The following SUN1 variants were observed in gnomAD, a reference collection of about 807,000 sequenced individuals.
SUN1 encodes the protein Sad1 and UNC84 domain containing 1, also known as SUN domain-containing protein 1.
In SUN1, 61 loss-of-function variants were observed where a neutral mutation model predicts 103.2. The observed-to-expected ratio is 0.59, with a 90% CI of 0.48 to 0.73. The LOEUF (loss-of-function observed/expected upper bound fraction) is 0.73. SUN1 is among the 30% of genes least tolerant of loss of function. The pLI is 0.00. For missense variants in SUN1, 1,052 were observed against 1,034.6 expected, an observed-to-expected ratio of 1.02 and a Z score of -0.23; for synonymous variants, 490 against 425.7, an observed-to-expected ratio of 1.15 and a Z score of -1.86.
intron 1 of SUN1, among the ~76,000 whole-genome samples, chr7:838,345 G>A (rs1441280888): frequency 1.3e-5 from 2 of 152,232 alleles, no homozygotes; most frequent in Non-Finnish European, 2.9e-5. Flanking sequence ...AAATTTAGAA[G>A]GGGAGCATTG....
chr7:827,443 A>G (rs1323632378), intron 1 of SUN1, among the ~76,000 whole-genome samples: 1 of 150,682 alleles, frequency 6.6e-6, no homozygotes, highest in Non-Finnish European at 1.5e-5. Flanking sequence ...TGATATGGAG[A>G]GTAGGACTAA....
intron 13 of SUN1, among the ~76,000 whole-genome samples, chr7:859,683 T>C (rs1285438484): frequency 6.6e-6 from 1 of 152,272 alleles, no homozygotes; most frequent in Non-Finnish European, 1.5e-5. Context: ...TATGTGTTTG[T>C]GTGCTTAGAA....
intron 1 of SUN1, 118 bp downstream of exon 1, chr7:832,719 GA>G (rs975793070): frequency 1.6e-4 from 124 of 779,282 alleles, no homozygotes; most frequent in Admixed American, 5.0e-4. Context: ...TTTTGAAGGT[GA>G]AAAAAAATAA....
At chr7:863,356 G>A (rs1048409920) in intron 15 of SUN1, among the ~76,000 whole-genome samples, 4 of 152,170 alleles carry the variant, frequency 2.6e-5, no homozygotes, top group Non-Finnish European at 5.9e-5. Flanking sequence ...TCCCGAGCTC[G>A]CCCTTGCTGC....
upstream of SUN1, chr7:830,876 C>A (rs76537194): frequency 8.5e-3 from 7,609 of 893,362 alleles, 140 homozygotes; most frequent in East Asian, 0.14. Flanking sequence ...GCAGTGCAGG[C>A]AGAGCCCATT....
At position 817,192 on chromosome 7, in the gene SUN1, G is replaced by T. The variant is rs1336584309; in HGVS notation, c.-74+519G>T. Reference sequence around the variant, plus strand: ...CCAGGCTGGTCTCGACCTCCTGAGCGCGAGCTATCCTCCCGCCTCCGCCTC... The same window carrying T: ...CCAGGCTGGTCTCGACCTCCTGAGCTCGAGCTATCCTCCCGCCTCCGCCTC... On this transcript the variant is annotated intron_variant, in intron 1 of 17. Coordinates refer to the SUN1 transcript ENST00000389574. The T allele has an allele frequency of 1.6e-5, 9 of 548,006 alleles. No individual in the cohort carries two copies. In the East Asian group the frequency reaches 2.9e-4, roughly 18 times the overall value. 33.9% of individuals were successfully genotyped at this position (548,006 alleles called of 1,614,324 possible).
intron 1 of SUN1, among the ~76,000 whole-genome samples, chr7:822,899 C>T (rs1787659858): frequency 3.3e-5 from 5 of 151,850 alleles, no homozygotes; most frequent in Admixed American, 6.6e-5. Flanking sequence ...CGCACACACA[C>T]GGCCCTGTGG....
chr7:868,904 G>T, intron 16 of SUN1: 1 of 121,872 alleles, frequency 8.2e-6, no homozygotes, highest in Non-Finnish European at 1.5e-5. Flanking sequence ...TGTGGTGTTG[G>T]TCGGATGGGG....
chr7:856,287 A>T, intron 11 of SUN1, 71 bp from the exon 12 acceptor site: 1 of 1,480,930 alleles, frequency 6.8e-7, no homozygotes, highest in Non-Finnish European at 9.4e-7. Flanking sequence ...ATGGAGTTTT[A>T]AGTATGTGGT....
upstream of SUN1, chr7:815,772 G>C (rs1215297001): frequency 1.1e-4 from 23 of 203,518 alleles, no homozygotes; most frequent in Non-Finnish European, 1.0e-5. Flanking sequence ...CTCGCGTGCA[G>C]ACCCCACACA....
chr7:860,928 A>G (rs1831727603), intron 14 of SUN1, among the ~76,000 whole-genome samples: 1 of 152,092 alleles, frequency 6.6e-6, no homozygotes, highest in Non-Finnish European at 1.5e-5. Flanking sequence ...AACCCCCACC[A>G]TGACTCAGTT....
At chr7:856,240 TG>T in intron 11 of SUN1, 117 bp from the exon 12 acceptor site, 2 of 1,045,194 alleles carry the variant, frequency 1.9e-6, no homozygotes, top group Non-Finnish European at 2.9e-6. Context: ...CAGGCAGATC[TG>T]GACTTTGAAT....
intron 1 of SUN1, chr7:832,824 G>C (rs772851826): frequency 5.8e-6 from 3 of 518,372 alleles, no homozygotes; most frequent in East Asian, 6.2e-5. Context: ...GTTAGTCATC[G>C]CACATGGCTT....
At chr7:838,023 G>A (rs527561320) in intron 1 of SUN1, among the ~76,000 whole-genome samples, 1 of 152,230 alleles carries the variant, frequency 6.6e-6, no homozygotes, top group African/African-American at 2.4e-5. Flanking sequence ...TAAATTGTGT[G>A]TAGTGACTCA....
chr7:850,672 C>G (rs1820988828), intron 5 of SUN1: 1 of 146,026 alleles, frequency 6.8e-6, no homozygotes, highest in African/African-American at 2.5e-5. Context: ...AGAACTGGAA[C>G]AAAACTTACT....
At position 874,813 on chromosome 7, in the gene SUN1, ATCTG is replaced by A; in HGVS notation, c.*1486_*1489del. 6.6e-6 allele frequency: 1 copy of A among 152,386 alleles called. No homozygotes were observed. The highest frequency in any genetic ancestry group is 1.9e-4 in the East Asian group (1 of 5,190). The allele number at this position is 152,386 out of a possible 1,614,324, so 9.4% of individuals were successfully genotyped here. A position where few individuals can be genotyped will look rare whatever the true frequency, so the allele number is the denominator to read the frequency against. On this transcript the variant is annotated 3_prime_UTR_variant, in exon 19 of 19. Coordinates refer to ENST00000401592, the MANE Select transcript of SUN1 (RefSeq NM_001130965.3). ...TATTTTTGTAAATGCTTTTCAAAAT[ATCTG>A]TCTTTGGTAGTGCTTCTGCTGCTGC...
upstream of SUN1, chr7:816,403 C>T (rs1369019376): frequency 3.6e-5 from 7 of 192,674 alleles, no homozygotes; most frequent in South Asian, 2.6e-4. Context: ...TGGCCTCGCC[C>T]GTCCCACCCC....
intron 16 of SUN1, 92 bp downstream of exon 16, chr7:866,159 G>GT: frequency 5.6e-6 from 6 of 1,069,522 alleles, no homozygotes; most frequent in Non-Finnish European, 8.5e-6. Context: ...ATGGAACTTC[G>GT]TAAGATGAAC....
Position 852,653 on chromosome 7 carries a change from T to C in SUN1, c.896T>C (p.Leu299Pro). 6.2e-7 allele frequency: 1 copy of C among 1,614,210 alleles called. No individual in the cohort carries two copies. The highest frequency in any genetic ancestry group is 1.1e-5 in the South Asian group (1 of 91,084). The change falls in exon 8 of 19, where the codon CTC becomes CCC. Residue 299 changes from leucine to proline, a missense_variant. By Grantham distance (98) the Leu-to-Pro change is moderately conservative. This residue lies in a region of SUN1 where 846 missense variants were observed against 774.5 expected (regional missense o/e 1.09). Coordinates refer to ENST00000401592, the MANE Select transcript of SUN1 (RefSeq NM_001130965.3). ...ICKFLVLLIP[L>P]FLLLAGLSLR... ...AAGTTTTTAGTCTTGCTCATCCCAC[T>C]CTTCCTTTTACTAGGTAAGTCAAAT...
Sources: gnomAD v4.1 joint callset for allele counts (sites outside exome capture counted in the v4.1 genomes callset) on GRCh38, gnomAD v4.1.1 for gene constraint, gnomAD v4.1.1 regional missense constraint, MANE v1.5 for transcripts, NCBI Gene and HGNC (gene_info 2026-07-23, HGNC 2026-07-21) for gene names.